Variants in TRIO observed in about 807,000 individuals in gnomAD.
TRIO encodes triple functional domain protein.
A neutral mutation model predicts 351.9 loss-of-function variants in TRIO; 58 were observed. That is an observed-to-expected ratio of 0.16 (90% CI 0.13 to 0.21). TRIO has a LOEUF of 0.21. Among genes scored for constraint, TRIO ranks in the 10% least tolerant of loss-of-function variants. The pLI is 1.00. For missense variants in TRIO, 3,201 were observed against 4,027.8 expected, an observed-to-expected ratio of 0.79 and a Z score of 5.56; for synonymous variants, 1,758 against 1,595.7, an observed-to-expected ratio of 1.10 and a Z score of -2.42.
Position 14,416,622 on chromosome 5 carries a change from T to C in TRIO, c.4960-3156T>C, listed in dbSNP as rs1311331327. ...GAACATCCTTGATTTTTATTTCTTA[T>C]GTGCTGTCAAGTACACAGATGTTTC... On this transcript the variant is annotated intron_variant, in intron 33 of 56. Transcript: ENST00000344204. 2.0e-5 allele frequency among the ~76,000 whole-genome samples: 3 copies of C among 152,388 alleles called. No individual in the cohort carries two copies. The East Asian group carries it at 5.8e-4, about 29-fold the overall frequency.
Position 14,392,741 on chromosome 5 carries a change from C to T in TRIO, c.4219-1297C>T, listed in dbSNP as rs1320765369. 2.6e-5 allele frequency among the ~76,000 whole-genome samples: 4 copies of T among 152,164 alleles called. No individual in the cohort carries two copies. The East Asian group carries it at 7.7e-4, about 29-fold the overall frequency. On this transcript the variant is annotated intron_variant, in intron 27 of 56. Transcript: ENST00000344204. ...CACATATACACCATGGAATACTATG[C>T]AATCATAAAAAAGGATGAGTTTGGG...
At chr5:14,336,784 T>C (rs975657374) in intron 11 of TRIO, 57 bp downstream of exon 11, 2 of 1,581,104 alleles carry the variant, frequency 1.3e-6, no homozygotes, top group Non-Finnish European at 8.7e-7. Context: ...TTGAACTCTT[T>C]TGGAGGAACC....
chr5:14,166,575 G>A (rs978891140), intron 1 of TRIO, among the ~76,000 whole-genome samples: 4 of 152,120 alleles, frequency 2.6e-5, no homozygotes, highest in Non-Finnish European at 4.4e-5. Flanking sequence ...TCATGTTGAG[G>A]TTAACTCCTA....
intron 2 of TRIO, among the ~76,000 whole-genome samples, chr5:14,276,513 T>G (rs1193779934): frequency 6.6e-6 from 1 of 152,254 alleles, no homozygotes; most frequent in African/African-American, 2.4e-5. Context: ...TAATAGACGT[T>G]AGCCATCATT....
chr5:14,197,556 A>C (rs1487225138), intron 1 of TRIO, among the ~76,000 whole-genome samples: 1 of 152,190 alleles, frequency 6.6e-6, no homozygotes, highest in Non-Finnish European at 1.5e-5. Flanking sequence ...AGCCAATTAT[A>C]AGCATCTCAT....
intron 34 of TRIO, among the ~76,000 whole-genome samples, chr5:14,452,261 C>G (rs1372119584): frequency 1.3e-5 from 2 of 152,262 alleles, no homozygotes; most frequent in African/African-American, 4.8e-5. Flanking sequence ...TCTCGCCGCT[C>G]TGCTTCATCC....
chr5:14,289,610 G>A (rs1231089252), intron 4 of TRIO, among the ~76,000 whole-genome samples: 1 of 152,140 alleles, frequency 6.6e-6, no homozygotes, highest in Non-Finnish European at 1.5e-5. Context: ...CACTTTGGGA[G>A]GCTGAAGTGG....
intron 49 of TRIO, among the ~76,000 whole-genome samples, chr5:14,495,656 TAGAAAAAAAAA>T (rs1756831484): frequency 3.6e-5 from 1 of 27,438 alleles, no homozygotes; most frequent in African/African-American, 3.4e-4. Context: ...CCGTCTCTAC[TAGAAAAAAAAA>T]AAAAAAAAAA....
intron 48 of TRIO, chr5:14,488,648 G>A: frequency 1.9e-6 from 1 of 526,356 alleles, no homozygotes; most frequent in Non-Finnish European, 3.4e-6. Context: ...TACACTTTAA[G>A]CTTTTTGCTC....
intron 8 of TRIO, among the ~76,000 whole-genome samples, chr5:14,306,211 A>G (rs1331816893): frequency 6.6e-6 from 1 of 152,218 alleles, no homozygotes; most frequent in Non-Finnish European, 1.5e-5. Flanking sequence ...CTAATAAGAT[A>G]CAGTTTTTTC....
In TRIO at chr5:14,244,365, A is replaced by G. The variant is rs377168677; in HGVS notation, c.158-26460A>G. 2.0e-5 allele frequency among the ~76,000 whole-genome samples: 3 copies of G among 152,192 alleles called. No individual in the cohort carries two copies. The East Asian group carries it at 5.8e-4, about 29-fold the overall frequency. On this transcript the variant is annotated intron_variant, in intron 1 of 56. Transcript: ENST00000344204. ...ATTGTCTGCTGTAAATGGGGCAAAT[A>G]TCATGGAAGAGGCTATCTTTGAAGC...
chr5:14,303,629 A>T (rs192090034), intron 7 of TRIO, among the ~76,000 whole-genome samples: 24 of 150,290 alleles, frequency 1.6e-4, no homozygotes, highest in African/African-American at 5.9e-4. Context: ...GATCCTGGAG[A>T]TGGAGGGTGG....
At chr5:14,502,694 A>G (rs543343549) in intron 54 of TRIO, 37 bp downstream of exon 54, 1 of 1,598,510 alleles carries the variant, frequency 6.3e-7, no homozygotes, top group South Asian at 1.1e-5. Flanking sequence ...CCGAAAGAGC[A>G]GAGCGTGGGG....
chr5:14,315,059 C>G (rs1051751531), intron 8 of TRIO, among the ~76,000 whole-genome samples: 24 of 152,282 alleles, frequency 1.6e-4, no homozygotes, highest in African/African-American at 4.6e-4. Context: ...CAATCTGGCA[C>G]AACTGCAGTT....
At chr5:14,434,306 G>A (rs1192295592) in intron 34 of TRIO, among the ~76,000 whole-genome samples, 2 of 151,950 alleles carry the variant, frequency 1.3e-5, no homozygotes, top group East Asian at 1.9e-4. Flanking sequence ...ATTTTGTATT[G>A]TGTTCCTTCA....
At chr5:14,424,813 G>A (rs1382802229) in intron 34 of TRIO, among the ~76,000 whole-genome samples, 2 of 152,214 alleles carry the variant, frequency 1.3e-5, no homozygotes, top group South Asian at 2.1e-4. Context: ...GGAACTGTCC[G>A]AAATGTTGAC....
Position 14,356,810 on chromosome 5 carries a change from A to G in TRIO, c.2047-1368A>G, listed in dbSNP as rs189249783. On this transcript the variant is annotated intron_variant, in intron 11 of 56. Transcript: ENST00000344204. ...GTGGAAAGGAACGAACCCTTGATAC[A>G]CACAGTAGTATGGATAAATCTCAGG... 7.9e-4 allele frequency among the ~76,000 whole-genome samples: 120 copies of G among 152,356 alleles called. 1 individual carries two copies. Among genetic ancestry groups the G allele is most frequent in the Admixed American group, 1.3e-3 (20 of 15,310 alleles).
chr5:14,213,058 T>C (rs1188214642), intron 1 of TRIO, among the ~76,000 whole-genome samples: 1 of 152,154 alleles, frequency 6.6e-6, no homozygotes, highest in Non-Finnish European at 1.5e-5. Context: ...TCAGAGCAGG[T>C]GTGAGGTTCT....
At position 14,487,977 on chromosome 5, in the gene TRIO, G is replaced by GGGCC; in HGVS notation, c.7352_7355dup (p.Ala2453ArgfsTer73). The GGGCC allele has an allele frequency of 6.4e-7, 1 of 1,554,654 alleles. No homozygotes were observed. ...GGCACCCTGCCGCTTGGGAAGCCCC[G>GGGCC]GGCCGGGGCCGCTTCGCCGCTGAAC... On this transcript the variant is annotated frameshift_variant, in exon 48 of 57. Transcript: ENST00000344204. LOFTEE classifies it high-confidence loss of function.
Sources: allele counts gnomAD v4.1 joint callset (sites outside exome capture counted in the v4.1 genomes callset), GRCh38; gene constraint gnomAD v4.1.1; transcripts MANE v1.5; gene names NCBI Gene and HGNC (gene_info 2026-07-23, HGNC 2026-07-21).